Variants in GALNT18 observed in about 807,000 individuals in gnomAD.
GALNT18 encodes polypeptide N-acetylgalactosaminyltransferase 18.
Under a neutral mutation model 69.5 loss-of-function variants are expected in GALNT18, and 44 were observed. The ratio of observed to expected loss-of-function variants is 0.63; its 90% CI spans 0.50 to 0.81. The LOEUF (loss-of-function observed/expected upper bound fraction) is 0.81. GALNT18 is among the 40% of genes least tolerant of loss of function. The pLI, the probability that GALNT18 is intolerant of heterozygous loss-of-function variation, is 0.00. For missense variants in GALNT18, 715 were observed against 810.0 expected (o/e 0.88, Z 1.42); for synonymous variants, 364 against 318.2 (o/e 1.14, Z -1.53).
chr11:11,545,301 C>T (rs757376116), intron 1 of GALNT18, among the ~76,000 whole-genome samples: 8 of 152,282 alleles, frequency 5.3e-5, no homozygotes, highest in Non-Finnish European at 7.4e-5. Context: ...AAGCAACAAC[C>T]GAAACCAGTC....
At chr11:11,303,280 T>C (rs529562584) in intron 9 of GALNT18, among the ~76,000 whole-genome samples, 1 of 152,162 alleles carries the variant, frequency 6.6e-6, no homozygotes, top group Admixed American at 6.5e-5. Context: ...GGAGATATAT[T>C]CCCTACAGGC....
intron 1 of GALNT18, among the ~76,000 whole-genome samples, chr11:11,534,726 T>C (rs1476790317): frequency 6.6e-6 from 1 of 152,264 alleles, no homozygotes; most frequent in Non-Finnish European, 1.5e-5. Flanking sequence ...AAATAGAACC[T>C]GTGCAGTTCT....
At position 11,328,042 on chromosome 11, in the gene GALNT18, GC is replaced by G. The variant is rs576189927; in HGVS notation, c.1417-862del. Among the ~76,000 whole-genome samples the G allele has an allele frequency of 2.8e-3, 427 of 152,226 alleles. 4 individuals carry two copies. Among genetic ancestry groups the G allele is most frequent in the Non-Finnish European group, 4.9e-3 (336 of 68,032 alleles). ...CAGAGACTGTGATCAGTGGGTGGTG[GC>G]CACTAGAATTGTAAGGCTGTTTAAA... is the stretch of plus-strand genomic sequence containing the variant. On this transcript the variant is annotated intron_variant, in intron 8 of 10. Coordinates refer to ENST00000227756, the MANE Select transcript of GALNT18 (RefSeq NM_198516.3).
chr11:11,594,848 T>TATATATATACAC lies in GALNT18; in HGVS notation c.235+26510_235+26511insGTGTATATATAT, dbSNP rs1488821833. On this transcript the variant is annotated intron_variant, in intron 1 of 10. Transcript: ENST00000227756. Reference sequence around the variant, plus strand: ...ATATATATATATATATATACACATATACATACATACACACACATAAATATA... The same window carrying TATATATATACAC: ...ATATATATATATATATATACACATATATATATATACACACATACATACACACACATAAATATA... Among the ~76,000 whole-genome samples, 92 of 114,256 alleles carry TATATATATACAC rather than the reference T, an allele frequency of 8.1e-4. 1 individual carries two copies. Among genetic ancestry groups the TATATATATACAC allele is most frequent in the South Asian group, 2.1e-3 (7 of 3,410 alleles). 75.0% of individuals were successfully genotyped at this position (114,256 alleles called of 152,430 possible). A position where few individuals can be genotyped will look rare whatever the true frequency, so the allele number is the denominator to read the frequency against.
At chr11:11,291,518 T>C (rs1849296994) in intron 10 of GALNT18, among the ~76,000 whole-genome samples, 1 of 150,376 alleles carries the variant, frequency 6.6e-6, no homozygotes, top group Non-Finnish European at 1.5e-5. Flanking sequence ...CCTATTGGGA[T>C]AGAACTTCAC....
chr11:11,324,385 A>G (rs1333926708), intron 9 of GALNT18, among the ~76,000 whole-genome samples: 1 of 152,226 alleles, frequency 6.6e-6, no homozygotes, highest in African/African-American at 2.4e-5. Flanking sequence ...TGATACTTCC[A>G]AACTGGCCAT....
intron 10 of GALNT18, among the ~76,000 whole-genome samples, chr11:11,282,794 C>T (rs188557201): frequency 1.3e-5 from 2 of 152,266 alleles, no homozygotes; most frequent in African/African-American, 4.8e-5. Context: ...TTCTAGGCCA[C>T]TGAGATATAT....
intron 10 of GALNT18, among the ~76,000 whole-genome samples, chr11:11,273,343 A>G (rs1268403082): frequency 6.7e-6 from 1 of 149,686 alleles, no homozygotes; most frequent in Non-Finnish European, 1.5e-5. Flanking sequence ...AAGTTCAAAT[A>G]ACTCAATAGC....
At chr11:11,612,693 C>G (rs1859939247) in intron 1 of GALNT18, among the ~76,000 whole-genome samples, 1 of 152,206 alleles carries the variant, frequency 6.6e-6, no homozygotes. Context: ...AGATGCAGCA[C>G]TCAACAATCT....
intron 3 of GALNT18, among the ~76,000 whole-genome samples, chr11:11,414,162 T>G (rs1018380545): frequency 3.9e-5 from 6 of 152,204 alleles, no homozygotes; most frequent in African/African-American, 1.4e-4. Context: ...ATGTCTTGCC[T>G]GAAGCATCGC....
chr11:11,420,280 T>C (rs1299460214), intron 3 of GALNT18, among the ~76,000 whole-genome samples: 4 of 152,064 alleles, frequency 2.6e-5, no homozygotes, highest in Non-Finnish European at 5.9e-5. Context: ...CTTCCCCAAC[T>C]CCTAGTGCTG....
intron 7 of GALNT18, among the ~76,000 whole-genome samples, chr11:11,334,274 G>T (rs1367241416): frequency 6.6e-6 from 1 of 152,196 alleles, no homozygotes; most frequent in Non-Finnish European, 1.5e-5. Flanking sequence ...CAGGCGCAGT[G>T]GCTCACACCT....
In GALNT18 at chr11:11,332,637, C is replaced by T; in HGVS notation, c.1416+57G>A. On this transcript the variant is annotated intron_variant, in intron 8 of 10. Transcript: ENST00000227756. This position sits in a 1 kb window ranked among gnomAD's most constrained non-coding sequence, Gnocchi z 4.3. ...GCTCTTTCCCTCCTCTCCCTTTCTT[C>T]ACTATGTTTCTTTCTGTCTGTGTCT... 2 of 1,593,604 alleles carry T rather than the reference C, an allele frequency of 1.3e-6. No homozygotes were observed. The highest frequency in any genetic ancestry group is 1.7e-6 in the Non-Finnish European group (2 of 1,162,900).
intron 1 of GALNT18, among the ~76,000 whole-genome samples, chr11:11,477,626 TA>T (rs960809629): frequency 6.6e-6 from 1 of 152,204 alleles, no homozygotes; most frequent in Non-Finnish European, 1.5e-5. Context: ...ACAGATCCTC[TA>T]GTAGAATTAA....
At chr11:11,422,910 T>G (rs1054183330) in intron 3 of GALNT18, among the ~76,000 whole-genome samples, 12 of 152,204 alleles carry the variant, frequency 7.9e-5, no homozygotes, top group African/African-American at 2.7e-4. Context: ...TATTTGTCAT[T>G]CATCAGGATT....
At chr11:11,574,302 C>A (rs1240471217) in intron 1 of GALNT18, among the ~76,000 whole-genome samples, 1 of 152,148 alleles carries the variant, frequency 6.6e-6, no homozygotes, top group Non-Finnish European at 1.5e-5. Context: ...ACAAATGAAT[C>A]CCAGCCCTGC....
intron 10 of GALNT18, among the ~76,000 whole-genome samples, chr11:11,273,723 T>C (rs7938014): frequency 0.022 from 3,315 of 152,270 alleles, 138 homozygotes; most frequent in African/African-American, 0.075. Context: ...AACCAGCATA[T>C]TGAAGAGATA....
intron 1 of GALNT18, among the ~76,000 whole-genome samples, chr11:11,544,219 G>T (rs1387649745): frequency 2.0e-5 from 3 of 152,190 alleles, no homozygotes; most frequent in Non-Finnish European, 2.9e-5. Context: ...CATAGTAATG[G>T]ACATTGAGGG....
intron 1 of GALNT18, among the ~76,000 whole-genome samples, chr11:11,579,917 T>C (rs895284287): frequency 1.3e-5 from 2 of 152,148 alleles, no homozygotes; most frequent in African/African-American, 2.4e-5. Flanking sequence ...TGAGTTCTCC[T>C]ATAAAATGCC....
Sources: gnomAD v4.1 joint callset for allele counts (sites outside exome capture counted in the v4.1 genomes callset) on GRCh38, gnomAD v4.1.1 for gene constraint, Gnocchi (gnomAD v3.1) non-coding constraint, MANE v1.5 for transcripts, NCBI Gene and HGNC (gene_info 2026-07-23, HGNC 2026-07-21) for gene names.